Variants in SRPK1 observed in about 807,000 individuals in gnomAD.
SRPK1 encodes SRSF protein kinase 1.
A neutral mutation model predicts 89.5 loss-of-function variants in SRPK1; 52 were observed. That is an observed-to-expected ratio of 0.58 (90% CI 0.46 to 0.73). The LOEUF is 0.73. Among genes scored for constraint, SRPK1 ranks in the 30% least tolerant of loss-of-function variants. The pLI, the probability that SRPK1 is intolerant of heterozygous loss-of-function variation, is 0.00. For synonymous variants in SRPK1, 255 were observed against 270.2 expected (o/e 0.94, Z 0.55); for missense variants, 603 against 780.6 (o/e 0.77, Z 2.71).
At chr6:35,881,594 G>A (rs558488216) in intron 6 of SRPK1, among the ~76,000 whole-genome samples, 4 of 151,684 alleles carry the variant, frequency 2.6e-5, no homozygotes, top group Admixed American at 2.6e-4. Flanking sequence ...CGAAATCAGG[G>A]GTGGCTATAC....
chr6:35,872,807 TAAAA>T, intron 7 of SRPK1, 79 bp from the exon 8 acceptor site: 15 of 993,208 alleles, frequency 1.5e-5, no homozygotes, highest in African/African-American at 3.7e-5. Context: ...AACATGACAT[TAAAA>T]AAAAAAAAAA....
Position 35,834,863 on chromosome 6 carries a change from TG to T in SRPK1, c.*440del, listed in dbSNP as rs1769141919. ...GACACAGCAAGTTTAATGTCTCTGC[TG>T]TACATAGAATTAAGACCCTTTCCCC... On this transcript the variant is annotated 3_prime_UTR_variant, in exon 16 of 16. Coordinates refer to ENST00000373825, the MANE Select transcript of SRPK1 (RefSeq NM_003137.5). The T allele has an allele frequency of 6.5e-6, 1 of 153,546 alleles. No homozygotes were observed. The highest frequency in any genetic ancestry group is 1.5e-5 in the Non-Finnish European group (1 of 68,836). The allele number at this position is 153,546 out of a possible 1,614,324, so 9.5% of individuals were successfully genotyped here.
intron 6 of SRPK1, among the ~76,000 whole-genome samples, chr6:35,878,865 CA>C (rs1174252873): frequency 2.0e-5 from 3 of 151,888 alleles, no homozygotes; most frequent in Admixed American, 1.3e-4. Context: ...CCAAAGTGGG[CA>C]GATCACTTGA....
chr6:35,870,337 G>C lies in SRPK1; in HGVS notation c.935C>G (p.Pro312Arg), dbSNP rs1333382109. Residue 312 changes from proline (P) to arginine (R), a missense_variant, in exon 10 of 16, where the codon CCT (proline) becomes CGT (arginine). By Grantham distance (103) the Pro-to-Arg change is moderately radical. Transcript: ENST00000373825. ...GTTCTCTTTCAAGGGTCTTTCAACA[G>C]GACTCTCTGATTCTTCTTGCTTGTT... Reference protein sequence around the residue: ...RPNKQEESESPVERPLKENPP... With the variant: ...RPNKQEESESRVERPLKENPP... 2 of 1,613,402 alleles carry C rather than the reference G, an allele frequency of 1.2e-6. No individual in the cohort carries two copies. The highest frequency in any genetic ancestry group is 8.5e-7 in the Non-Finnish European group (1 of 1,179,660).
At chr6:35,916,723 GA>G (rs1232408193) in intron 2 of SRPK1, among the ~76,000 whole-genome samples, 1 of 152,172 alleles carries the variant, frequency 6.6e-6, no homozygotes, top group African/African-American at 2.4e-5. Flanking sequence ...CAGTAAGTAT[GA>G]AATCCATTCT....
At chr6:35,873,725 G>A (rs1017206908) in intron 7 of SRPK1, among the ~76,000 whole-genome samples, 4 of 151,482 alleles carry the variant, frequency 2.6e-5, no homozygotes, top group African/African-American at 9.7e-5. Context: ...CCTGACCTCA[G>A]GTGATCTGCC....
rs758948930 is a variant in SRPK1 at position 35,920,832 on chromosome 6, G to C, written c.13+212C>G. Reference sequence around the variant, plus strand: ...CGCGAGCCGGCCTGGCGGGGAACAAGGGGCGGCTACGGCCGGCGCCAGAGG... The same window carrying C: ...CGCGAGCCGGCCTGGCGGGGAACAACGGGCGGCTACGGCCGGCGCCAGAGG... On this transcript the variant is annotated intron_variant, in intron 1 of 15. Transcript: ENST00000373825. 1.1e-4 allele frequency: 54 copies of C among 508,514 alleles called. 1 individual carries two copies. The Admixed American group carries it at 1.3e-3, about 12-fold the overall frequency. The allele number at this position is 508,514 out of a possible 1,614,324, so 31.5% of individuals were successfully genotyped here. A position where few individuals can be genotyped will look rare whatever the true frequency, so the allele number is the denominator to read the frequency against.
intron 2 of SRPK1, chr6:35,895,516 T>C (rs1581592183): frequency 6.6e-6 from 1 of 152,048 alleles, no homozygotes; most frequent in Non-Finnish European, 1.5e-5. Context: ...TGTTAGTCTT[T>C]TGTTATAATG....
At chr6:35,860,290 C>T (rs1769754041) in intron 12 of SRPK1, among the ~76,000 whole-genome samples, 2 of 152,124 alleles carry the variant, frequency 1.3e-5, no homozygotes, top group South Asian at 4.1e-4. Flanking sequence ...GTGACTGGGT[C>T]ATGAGGGGGT....
intron 2 of SRPK1, chr6:35,919,987 CTA>C (rs1771192654): frequency 2.3e-6 from 1 of 437,660 alleles, no homozygotes; most frequent in Non-Finnish European, 4.6e-6. Context: ...ATGCCCTCCT[CTA>C]TGAAAGGGAG....
At position 35,857,270 on chromosome 6, in the gene SRPK1, C is replaced by A. The variant is rs749464029; in HGVS notation, c.1611G>T (p.Thr537=). 1 of 1,611,078 alleles carries A rather than the reference C, an allele frequency of 6.2e-7. No individual in the cohort carries two copies. Among genetic ancestry groups the A allele is most frequent in the Admixed American group, 1.7e-5 (1 of 59,792 alleles). The change falls in exon 13 of 16, where the codon ACG becomes ACT. Residue 537 remains threonine (T), a synonymous_variant. Transcript: ENST00000373825. ...GGGGAAAAAACATTACCATGCATGCCGTGCTCCAAATGTCAGCAGGGGTAT... is the reference window on the plus strand; with the variant it reads ...GGGGAAAAAACATTACCATGCATGCAGTGCTCCAAATGTCAGCAGGGGTAT... ...GYNTPADIWS[T]ACMAFELATG...
intron 13 of SRPK1, among the ~76,000 whole-genome samples, chr6:35,846,284 T>C (rs1305154925): frequency 2.0e-5 from 3 of 151,120 alleles, no homozygotes; most frequent in Admixed American, 6.6e-5. Flanking sequence ...AATCTAAAGA[T>C]ATGTTGTATA....
chr6:35,849,253 A>C (rs182873865), intron 13 of SRPK1, among the ~76,000 whole-genome samples: 1 of 152,202 alleles, frequency 6.6e-6, no homozygotes, highest in Admixed American at 6.5e-5. Flanking sequence ...CAACATCACT[A>C]ATCATTAGGG....
At chr6:35,870,134 C>A in intron 10 of SRPK1, 147 bp downstream of exon 10, 1 of 841,404 alleles carries the variant, frequency 1.2e-6, no homozygotes, top group Non-Finnish European at 1.8e-6. Context: ...TTAAATATTA[C>A]CTGCCTAACA....
At chr6:35,853,239 C>G (rs556858552) in intron 13 of SRPK1, among the ~76,000 whole-genome samples, 277 of 152,036 alleles carry the variant, frequency 1.8e-3, no homozygotes, top group Admixed American at 4.4e-3. Flanking sequence ...CCACTGCACT[C>G]CAGCCTGGGC....
chr6:35,915,715 G>A (rs1771075382), intron 2 of SRPK1, among the ~76,000 whole-genome samples: 1 of 152,080 alleles, frequency 6.6e-6, no homozygotes, highest in South Asian at 2.1e-4. Flanking sequence ...GCTCACGCCT[G>A]TAAGCCTAGC....
rs140323656 is a variant in SRPK1, at chr6:35,872,520, T to C, written c.751+43A>G. On this transcript the variant is annotated intron_variant, in intron 8 of 15. Transcript: ENST00000373825. ...TAACAGAATAAAAATAGAAATTTCTTTTTAACTTCTAATGATAGCGAAGTC... is the reference window on the plus strand; with the variant it reads ...TAACAGAATAAAAATAGAAATTTCTCTTTAACTTCTAATGATAGCGAAGTC... The C allele has an allele frequency of 6.0e-4, 903 of 1,504,476 alleles. 3 individuals carry two copies. The African/African-American group carries it at 0.012, about 19-fold the overall frequency. The allele number at this position is 1,504,476 out of a possible 1,614,324, so 93.2% of individuals were successfully genotyped here.
At chr6:35,907,249 T>C (rs771230420) in intron 2 of SRPK1, among the ~76,000 whole-genome samples, 6 of 152,170 alleles carry the variant, frequency 3.9e-5, no homozygotes, top group Non-Finnish European at 8.8e-5. Flanking sequence ...TTGTGGATCC[T>C]GATCCAAAGA....
At chr6:35,890,551 G>A (rs1770497610) in intron 3 of SRPK1, among the ~76,000 whole-genome samples, 1 of 152,102 alleles carries the variant, frequency 6.6e-6, no homozygotes, top group East Asian at 1.9e-4. Flanking sequence ...TGGTAAGAAG[G>A]TATTTTGTAA....
Sources: gnomAD v4.1 joint callset for allele counts (sites outside exome capture counted in the v4.1 genomes callset) on GRCh38, gnomAD v4.1.1 for gene constraint, MANE v1.5 for transcripts, NCBI Gene and HGNC (gene_info 2026-07-23, HGNC 2026-07-21) for gene names.